Variants in CNTNAP2 observed in about 807,000 individuals in gnomAD.
CNTNAP2 encodes the protein contactin-associated protein-like 2.
In CNTNAP2, 98 loss-of-function variants were observed where a neutral mutation model predicts 155.2. The observed-to-expected ratio is 0.63, with a 90% CI of 0.54 to 0.75. The LOEUF (loss-of-function observed/expected upper bound fraction) is 0.75, where lower values mean the gene tolerates loss of function less well. Among genes scored for constraint, CNTNAP2 ranks in the 30% least tolerant of loss-of-function variants. The pLI, the probability that CNTNAP2 is intolerant of heterozygous loss-of-function variation, is 0.00. For synonymous variants in CNTNAP2, 651 were observed against 631.2 expected (o/e 1.03, Z -0.47); for missense variants, 1,727 against 1,688.1 (o/e 1.02, Z -0.40).
chr7:146,883,604 T>G (rs1407204424), intron 3 of CNTNAP2, among the ~76,000 whole-genome samples: 1 of 152,180 alleles, frequency 6.6e-6, no homozygotes, highest in African/African-American at 2.4e-5. Flanking sequence ...TTTCTGTCTC[T>G]GCTCCATTCC....
rs1554464838 is a variant in CNTNAP2, at chr7:146,665,797, AAT to A, written c.98-108472_98-108471del. On this transcript the variant is annotated intron_variant, in intron 1 of 23. Transcript: ENST00000361727. ...CTCTGTCTCATTAAAAAAAAAAAAA[AAT>A]ACATTTTGTAACTGATTTCTATTTT... Among the ~76,000 whole-genome samples, 299 of 148,314 alleles carry A rather than the reference AAT, an allele frequency of 2.0e-3. 81 individuals are homozygous for A. Among genetic ancestry groups the A allele is most frequent in the African/African-American group, 6.9e-3 (272 of 39,430 alleles).
At chr7:148,070,098 A>G (rs1803353188) in intron 15 of CNTNAP2, among the ~76,000 whole-genome samples, 1 of 152,222 alleles carries the variant, frequency 6.6e-6, no homozygotes, top group Non-Finnish European at 1.5e-5. Context: ...CTCTGTAACT[A>G]ATATATTATC....
chr7:148,089,804 A>G (rs1159357422), intron 15 of CNTNAP2, among the ~76,000 whole-genome samples: 1 of 151,898 alleles, frequency 6.6e-6, no homozygotes, highest in Non-Finnish European at 1.5e-5. Context: ...TTCGTATGGA[A>G]CCACAAAAGA....
At chr7:147,991,486 G>A (rs549060093) in intron 15 of CNTNAP2, among the ~76,000 whole-genome samples, 1 of 151,638 alleles carries the variant, frequency 6.6e-6, no homozygotes, top group South Asian at 2.1e-4. Flanking sequence ...ACCTCAACAG[G>A]GTTTTGCACA....
chr7:147,942,766 A>C (rs1800747833), intron 14 of CNTNAP2, among the ~76,000 whole-genome samples: 1 of 152,138 alleles, frequency 6.6e-6, no homozygotes, highest in Non-Finnish European at 1.5e-5. Flanking sequence ...GGCCAGGCGC[A>C]GTGGCTCACG....
At position 147,997,690 on chromosome 7, in the gene CNTNAP2, G is replaced by T. The variant is rs572251061; in HGVS notation, c.2383+19701G>T. Among the ~76,000 whole-genome samples the T allele has an allele frequency of 8.8e-4, 134 of 152,286 alleles. 1 individual carries two copies. Among genetic ancestry groups the T allele is most frequent in the Non-Finnish European group, 1.6e-3 (110 of 68,018 alleles). ...ATGCTCTGAGAGAGAGAGGAGTCAG[G>T]GTGGGCTGCCGGGGAGGATGAGACA... On this transcript the variant is annotated intron_variant, in intron 15 of 23. Transcript: ENST00000361727.
In CNTNAP2 at chr7:146,630,972, G is replaced by A. The variant is rs537287569; in HGVS notation, c.98-143299G>A. Among the ~76,000 whole-genome samples the A allele has an allele frequency of 3.2e-3, 481 of 152,180 alleles. 4 individuals are homozygous for A. Among genetic ancestry groups the A allele is most frequent in the Admixed American group, 8.6e-3 (131 of 15,280 alleles). ...TAGGAAGAATCAATATTGTGAAAATGGCCATACTGCCCAAAGTAATTTACA... is the reference window on the plus strand; with the variant it reads ...TAGGAAGAATCAATATTGTGAAAATAGCCATACTGCCCAAAGTAATTTACA... On this transcript the variant is annotated intron_variant, in intron 1 of 23. Transcript: ENST00000361727.
chr7:147,346,807 C>T (rs1795871571), intron 9 of CNTNAP2, among the ~76,000 whole-genome samples: 1 of 152,128 alleles, frequency 6.6e-6, no homozygotes, highest in South Asian at 2.1e-4. Context: ...TTTGCGTAGT[C>T]TTTTTCAAAT....
intron 15 of CNTNAP2, among the ~76,000 whole-genome samples, chr7:148,095,011 C>A (rs1803931894): frequency 6.6e-6 from 1 of 152,034 alleles, no homozygotes; most frequent in Non-Finnish European, 1.5e-5. Flanking sequence ...AAATGATGAA[C>A]CGAGAGTAAA....
intron 21 of CNTNAP2, among the ~76,000 whole-genome samples, chr7:148,302,614 G>A (rs1193536522): frequency 9.9e-5 from 15 of 151,986 alleles, no homozygotes; most frequent in East Asian, 5.8e-4. Flanking sequence ...GGTTTGCCCC[G>A]CGCTGTTCTC....
chr7:147,770,482 G>C (rs181782246), intron 13 of CNTNAP2, among the ~76,000 whole-genome samples: 1 of 152,254 alleles, frequency 6.6e-6, no homozygotes, highest in East Asian at 1.9e-4. Context: ...TGGCGATAAA[G>C]AGTAGAATGG....
intron 23 of CNTNAP2, among the ~76,000 whole-genome samples, chr7:148,414,077 C>T (rs747212920): frequency 6.5e-4 from 89 of 136,912 alleles, no homozygotes; most frequent in African/African-American, 1.7e-3. Context: ...TTTCTTTTTC[C>T]ATTTTTTTTT....
At chr7:147,546,814 G>A (rs776379267) in intron 11 of CNTNAP2, among the ~76,000 whole-genome samples, 1 of 152,174 alleles carries the variant, frequency 6.6e-6, no homozygotes, top group Admixed American at 6.5e-5. Context: ...AGTACACATG[G>A]ATGAAACTGA....
At chr7:146,415,105 A>C (rs1376030211) in intron 1 of CNTNAP2, among the ~76,000 whole-genome samples, 2 of 152,168 alleles carry the variant, frequency 1.3e-5, no homozygotes, top group Non-Finnish European at 2.9e-5. Context: ...CAGTGCTTCA[A>C]CTGGAAAAAT....
intron 16 of CNTNAP2, among the ~76,000 whole-genome samples, chr7:148,125,952 C>T (rs922229234): frequency 1.3e-5 from 2 of 152,052 alleles, no homozygotes; most frequent in African/African-American, 4.8e-5. Flanking sequence ...ATCTGCCTGC[C>T]TCCACCTCCC....
At chr7:146,427,362 A>G (rs1327651007) in intron 1 of CNTNAP2, among the ~76,000 whole-genome samples, 2 of 152,208 alleles carry the variant, frequency 1.3e-5, no homozygotes, top group African/African-American at 4.8e-5. Context: ...CAATACCGCC[A>G]TTGTAGACAT....
chr7:148,042,712 C>G (rs1802702126), intron 15 of CNTNAP2, among the ~76,000 whole-genome samples: 1 of 152,210 alleles, frequency 6.6e-6, no homozygotes, highest in Admixed American at 6.5e-5. Context: ...TGACTGTTCT[C>G]TTATTCCAGG....
At chr7:146,674,293 C>A (rs1465054377) in intron 1 of CNTNAP2, among the ~76,000 whole-genome samples, 1 of 152,092 alleles carries the variant, frequency 6.6e-6, no homozygotes, top group African/African-American at 2.4e-5. Context: ...TACTTAGCAA[C>A]TATGTGTCAG....
At chr7:146,745,251 C>T (rs926898135) in intron 1 of CNTNAP2, among the ~76,000 whole-genome samples, 2 of 152,102 alleles carry the variant, frequency 1.3e-5, no homozygotes, top group African/African-American at 4.8e-5. Flanking sequence ...GCTAGGCACC[C>T]AGAATTAGTC....
Sources: gnomAD v4.1 joint callset for allele counts (sites outside exome capture counted in the v4.1 genomes callset) on GRCh38, gnomAD v4.1.1 for gene constraint, MANE v1.5 for transcripts, NCBI Gene and HGNC (gene_info 2026-07-23, HGNC 2026-07-21) for gene names.